CLCN3: variants seen among roughly 807,000 people sequenced by gnomAD.
CLCN3 encodes the protein Cl-/H+ antiporter 3, also known as H(+)/Cl(-) exchange transporter 3.
CLCN3 carries 16 observed loss-of-function variants against 83.4 expected under a neutral mutation model. That is an observed-to-expected ratio of 0.19 (90% CI 0.13 to 0.29). The LOEUF (loss-of-function observed/expected upper bound fraction) is 0.29, where lower values mean the gene tolerates loss of function less well. CLCN3 is among the 10% of genes least tolerant of loss of function. CLCN3 has a pLI of 1.00. For missense variants in CLCN3, 544 were observed against 1,006.0 expected, an observed-to-expected ratio of 0.54 and a Z score of 6.21; for synonymous variants, 322 against 346.2, an observed-to-expected ratio of 0.93 and a Z score of 0.78.
chr4:169,635,873 A>C lies in CLCN3; in HGVS notation c.-16-40A>C, dbSNP rs554007804. The stretch of plus-strand genomic sequence containing the variant: ...TGTTAAACTAGATGATTTTTATTGT[A>C]TGTTTGAAAAATGTTAAAACTACTT... On this transcript the variant is annotated intron_variant, in intron 1 of 12. Coordinates refer to ENST00000513761, the MANE Select transcript of CLCN3 (RefSeq NM_001829.4). 1.3e-5 allele frequency: 19 copies of C among 1,448,434 alleles called. No homozygotes were observed. In the East Asian group the frequency reaches 3.9e-4, roughly 30 times the overall value. 89.7% of individuals were successfully genotyped at this position (1,448,434 alleles called of 1,614,324 possible). A position where few individuals can be genotyped will look rare whatever the true frequency, so the allele number is the denominator to read the frequency against.
intron 12 of CLCN3, among the ~76,000 whole-genome samples, chr4:169,718,348 C>T (rs1305431952): frequency 6.6e-6 from 1 of 151,696 alleles, no homozygotes; most frequent in African/African-American, 2.4e-5. Flanking sequence ...GCAATTAGAA[C>T]TGCTTACAGT....
chr4:169,641,043 T>A (rs147629532), intron 2 of CLCN3, among the ~76,000 whole-genome samples: 1 of 152,120 alleles, frequency 6.6e-6, no homozygotes, highest in Non-Finnish European at 1.5e-5. Flanking sequence ...GAGTAAGAGT[T>A]GAGAGGGCTC....
At chr4:169,623,200 G>A (rs1249555296) in intron 1 of CLCN3, among the ~76,000 whole-genome samples, 1 of 152,066 alleles carries the variant, frequency 6.6e-6, no homozygotes, top group Admixed American at 6.5e-5. Context: ...AGACTATTTA[G>A]TTTTCAAAGT....
At chr4:169,683,791 T>C (rs1326211271) in intron 3 of CLCN3, among the ~76,000 whole-genome samples, 1 of 151,972 alleles carries the variant, frequency 6.6e-6, no homozygotes, top group Non-Finnish European at 1.5e-5. Context: ...TTGCCCAGGC[T>C]GAAGTTCAGT....
At chr4:169,702,009 T>C (rs572355093) in intron 9 of CLCN3, among the ~76,000 whole-genome samples, 1 of 152,306 alleles carries the variant, frequency 6.6e-6, no homozygotes, top group South Asian at 2.1e-4. Flanking sequence ...GTCATATTCA[T>C]AAACTCCATG....
At chr4:169,638,323 A>C (rs1160846672) in intron 2 of CLCN3, among the ~76,000 whole-genome samples, 1 of 152,162 alleles carries the variant, frequency 6.6e-6, no homozygotes, top group Admixed American at 6.5e-5. Context: ...TTTTCTCACC[A>C]GGAAATAGGT....
chr4:169,661,926 C>T (rs1466645232), intron 2 of CLCN3, among the ~76,000 whole-genome samples: 2 of 152,068 alleles, frequency 1.3e-5, no homozygotes, highest in Non-Finnish European at 2.9e-5. Flanking sequence ...ACATTATTTG[C>T]TAATCAGTAA....
At chr4:169,645,568 C>T (rs930671380) in intron 2 of CLCN3, among the ~76,000 whole-genome samples, 1 of 152,104 alleles carries the variant, frequency 6.6e-6, no homozygotes, top group Non-Finnish European at 1.5e-5. Context: ...ATAGTTTAAA[C>T]TTGATGTATA....
At chr4:169,650,416 T>C (rs1730699121) in intron 2 of CLCN3, among the ~76,000 whole-genome samples, 1 of 152,132 alleles carries the variant, frequency 6.6e-6, no homozygotes, top group Non-Finnish European at 1.5e-5. Context: ...AGATGACAAG[T>C]TGATTTTAGT....
At chr4:169,673,258 C>T (rs931161808) in intron 2 of CLCN3, among the ~76,000 whole-genome samples, 1 of 152,106 alleles carries the variant, frequency 6.6e-6, no homozygotes, top group African/African-American at 2.4e-5. Context: ...TTCTGGTTTT[C>T]AGAGATTTTG....
intron 2 of CLCN3, among the ~76,000 whole-genome samples, chr4:169,655,972 T>G (rs1001347352): frequency 1.3e-5 from 2 of 152,236 alleles, no homozygotes; most frequent in Non-Finnish European, 2.9e-5. Flanking sequence ...TTGTCAGTTT[T>G]AAGAATTTCC....
chr4:169,697,758 T>C (rs773222659), intron 9 of CLCN3, 24 bp downstream of exon 9: 2 of 1,504,486 alleles, frequency 1.3e-6, no homozygotes, highest in Non-Finnish European at 1.8e-6. Flanking sequence ...TGAGGTGATA[T>C]TTGGGTAATT....
At chr4:169,691,249 C>T (rs184670343) in intron 6 of CLCN3, among the ~76,000 whole-genome samples, 35 of 152,090 alleles carry the variant, frequency 2.3e-4, no homozygotes, top group Admixed American at 1.9e-3. Context: ...AACTCCTAAC[C>T]TCAAGTGATC....
At chr4:169,690,708 A>C in intron 6 of CLCN3, 56 bp downstream of exon 6, 1 of 1,511,918 alleles carries the variant, frequency 6.6e-7, no homozygotes, top group Non-Finnish European at 8.9e-7. Context: ...TATCTTTTTG[A>C]CCTTAGTGAT....
chr4:169,635,888 T>A (rs1365749816), intron 1 of CLCN3, 25 bp from the exon 2 acceptor site: 8 of 1,498,290 alleles, frequency 5.3e-6, no homozygotes, highest in Non-Finnish European at 7.1e-6. Flanking sequence ...TGAAAAATGT[T>A]AAAACTACTT....
At chr4:169,624,400 C>G (rs931236315) in intron 1 of CLCN3, among the ~76,000 whole-genome samples, 3 of 152,058 alleles carry the variant, frequency 2.0e-5, no homozygotes, top group African/African-American at 7.2e-5. Context: ...ACCCAAAGTG[C>G]TGGGATTACA....
chr4:169,696,165 C>T (rs1264899672), intron 8 of CLCN3, among the ~76,000 whole-genome samples: 1 of 152,148 alleles, frequency 6.6e-6, no homozygotes, highest in Non-Finnish European at 1.5e-5. Context: ...TCTTGGCTCA[C>T]TGCAACCTCC....
At chr4:169,665,856 A>T (rs1342501964) in intron 2 of CLCN3, among the ~76,000 whole-genome samples, 1 of 152,164 alleles carries the variant, frequency 6.6e-6, no homozygotes, top group Non-Finnish European at 1.5e-5. Flanking sequence ...AACTATATGC[A>T]TCATTTTTCA....
chr4:169,637,709 T>C (rs1730268447), intron 2 of CLCN3, among the ~76,000 whole-genome samples: 1 of 152,194 alleles, frequency 6.6e-6, no homozygotes, highest in Non-Finnish European at 1.5e-5. Context: ...TGTTTTGTTC[T>C]AGAAGTTTTA....
Sources: allele counts gnomAD v4.1 joint callset (sites outside exome capture counted in the v4.1 genomes callset), GRCh38; gene constraint gnomAD v4.1.1; transcripts MANE v1.5; gene names NCBI Gene and HGNC (gene_info 2026-07-23, HGNC 2026-07-21).